The following SNIP1 variants were observed in gnomAD, a reference collection of about 807,000 sequenced individuals.
SNIP1 encodes the protein Smad nuclear interacting protein 1.
In SNIP1, 23 loss-of-function variants were observed where a neutral mutation model predicts 37.4. The ratio of observed to expected loss-of-function variants is 0.61; its 90% CI spans 0.44 to 0.87. The LOEUF is 0.87. SNIP1 is among the 40% of genes least tolerant of loss of function. SNIP1 has a pLI of 0.00. For synonymous variants in SNIP1, 174 were observed against 200.0 expected, an observed-to-expected ratio of 0.87 and a Z score of 1.10; for missense variants, 459 against 540.4, an observed-to-expected ratio of 0.85 and a Z score of 1.49.
At chr1:37,539,633 C>A (rs1643145644) in intron 3 of SNIP1, among the ~76,000 whole-genome samples, 1 of 152,174 alleles carries the variant, frequency 6.6e-6, no homozygotes, top group Non-Finnish European at 1.5e-5. Context: ...TCACTTGAAC[C>A]CGGGATGCAG....
intron 3 of SNIP1, 30 bp from the exon 4 acceptor site, chr1:37,538,042 C>G (rs752488912): frequency 6.4e-7 from 1 of 1,556,304 alleles, no homozygotes; most frequent in East Asian, 2.2e-5. Context: ...AACCTGTGAG[C>G]AAACTTCTGC....
intron 3 of SNIP1, among the ~76,000 whole-genome samples, chr1:37,539,018 C>T (rs1465887939): frequency 6.6e-6 from 1 of 152,094 alleles, no homozygotes; most frequent in African/African-American, 2.4e-5. Context: ...ATCTAGGTTG[C>T]GCGCTCCTTA....
Position 37,545,755 on chromosome 1 carries a change from C to T in SNIP1, c.328-5000G>A, listed in dbSNP as rs1011806227. Among the ~76,000 whole-genome samples, 9 of 151,996 alleles carry T rather than the reference C, an allele frequency of 5.9e-5. No homozygotes were observed. The South Asian group carries it at 8.3e-4, about 14-fold the overall frequency. On this transcript the variant is annotated intron_variant, in intron 2 of 3. Transcript: ENST00000296215. ...GGTGGATCACTTGCGTCCAGGAGTT[C>T]GAGACCAGCCTGGGTAACATAGTGA...
intron 2 of SNIP1, chr1:37,548,956 G>A (rs182397801): frequency 1.2e-4 from 18 of 152,174 alleles, no homozygotes; most frequent in African/African-American, 3.9e-4. Context: ...GCCGGGTCTC[G>A]GGTATGTCTT....
At chr1:37,544,772 G>A (rs1302120520) in intron 2 of SNIP1, 8 of 717,498 alleles carry the variant, frequency 1.1e-5, no homozygotes, top group Non-Finnish European at 2.1e-5. Flanking sequence ...CATGACGACT[G>A]CGCGTCCCCC....
At chr1:37,548,402 G>A (rs1352276593) in intron 2 of SNIP1, among the ~76,000 whole-genome samples, 7 of 151,048 alleles carry the variant, frequency 4.6e-5, no homozygotes, top group Admixed American at 3.3e-4. Flanking sequence ...TGTAATCCCC[G>A]CCTCCCAGGT....
chr1:37,552,610 A>G, intron 2 of SNIP1, 35 bp downstream of exon 2: 1 of 1,538,174 alleles, frequency 6.5e-7, no homozygotes, highest in South Asian at 1.1e-5. Context: ...AAAGGCTCTC[A>G]ATTTGGACCC....
Position 37,535,564 on chromosome 1 carries a change from T to C in SNIP1, c.*2184A>G, listed in dbSNP as rs1267722416. ...ATCACAGTGCCCACCAGGATGAAGTTTGTAGCAAAACTCAAGGCTACCACA... is the reference window on the plus strand; with the variant it reads ...ATCACAGTGCCCACCAGGATGAAGTCTGTAGCAAAACTCAAGGCTACCACA... On this transcript the variant is annotated 3_prime_UTR_variant, in exon 4 of 4. Transcript: ENST00000296215. 1 of 152,100 alleles carries C rather than the reference T, an allele frequency of 6.6e-6. No homozygotes were observed. The highest frequency in any genetic ancestry group is 1.9e-4 in the East Asian group (1 of 5,188). The allele number at this position is 152,100 out of a possible 1,614,324, so 9.4% of individuals were successfully genotyped here. A position where few individuals can be genotyped will look rare whatever the true frequency, so the allele number is the denominator to read the frequency against.
intron 2 of SNIP1, among the ~76,000 whole-genome samples, chr1:37,545,455 A>AC (rs1209373910): frequency 6.2e-5 from 8 of 128,348 alleles, no homozygotes; most frequent in African/African-American, 2.1e-4. Context: ...GAAATTTGGT[A>AC]CCCCCCGCCC....
intron 3 of SNIP1, among the ~76,000 whole-genome samples, chr1:37,539,879 G>A (rs115731493): frequency 2.6e-4 from 40 of 152,316 alleles, no homozygotes; most frequent in African/African-American, 9.4e-4. Flanking sequence ...TTTGAGCCCA[G>A]GAGGTTGCCG....
chr1:37,534,628 G>A lies in SNIP1; in HGVS notation c.*3120C>T, dbSNP rs1309196654. ...GACATCATTTTGTTCCTCAGATCCT[G>A]ACATACACAATGAAAGTATTTGAAA... On this transcript the variant is annotated 3_prime_UTR_variant, in exon 4 of 4. Transcript: ENST00000296215. The A allele has an allele frequency of 6.6e-6, 1 of 152,126 alleles. No individual in the cohort carries two copies. The highest frequency in any genetic ancestry group is 1.5e-5 in the Non-Finnish European group (1 of 68,030). 9.4% of individuals were successfully genotyped at this position (152,126 alleles called of 1,614,324 possible).
Position 37,540,737 on chromosome 1 carries a change from G to A in SNIP1, c.346C>T (p.Arg116Trp), listed in dbSNP as rs139950676. 1.4e-4 allele frequency: 222 copies of A among 1,602,146 alleles called. 1 individual carries two copies. The highest frequency in any genetic ancestry group is 8.1e-4 in the East Asian group (36 of 44,626). The change falls in exon 3 of 4, where the codon CGG becomes TGG. Residue 116 changes from arginine to tryptophan, a missense_variant. By Grantham distance (101) the Arg-to-Trp change is moderately radical. Coordinates refer to ENST00000296215, the MANE Select transcript of SNIP1 (RefSeq NM_024700.4). This position sits in a 1 kb window ranked among gnomAD's most constrained non-coding sequence, Gnocchi z 5.6. ...TGCTGCCGATCCTCCCGTCCTCTCC[G>A]GGGATGATCCTCACGCTCCTAAAAT... ...KVKQEREDHP[R>W]RGREDRQHRE...
chr1:37,554,059 G>A lies in SNIP1; in HGVS notation c.171C>T (p.Thr57=), dbSNP rs1202264778. The A allele has an allele frequency of 6.3e-7, 1 of 1,594,482 alleles. No homozygotes were observed. Among genetic ancestry groups the A allele is most frequent in the South Asian group, 1.1e-5 (1 of 88,762 alleles). The change falls in exon 1 of 4, where the codon ACC becomes ACT. Residue 57 remains threonine (T), a synonymous_variant. Transcript: ENST00000296215. Reference sequence around the variant, plus strand: ...GGTGGCCCGAGCGGGCCGGCTCGCTGGTCGGCGGAGACGGGCTACCACCGG... The same window carrying A: ...GGTGGCCCGAGCGGGCCGGCTCGCTAGTCGGCGGAGACGGGCTACCACCGG... ...DHSGGSPSPP[T]SEPARSGHRG... is the part of the protein sequence containing the mutation.
At chr1:37,539,674 C>T (rs1223213871) in intron 3 of SNIP1, among the ~76,000 whole-genome samples, 1 of 152,234 alleles carries the variant, frequency 6.6e-6, no homozygotes, top group Non-Finnish European at 1.5e-5. Context: ...CGCGCCACTG[C>T]ACTCCAGCCT....
chr1:37,538,933 G>A (rs1248263802), intron 3 of SNIP1, among the ~76,000 whole-genome samples: 2 of 152,106 alleles, frequency 1.3e-5, no homozygotes, highest in East Asian at 1.9e-4. Flanking sequence ...CCTGAGCTCC[G>A]CCTCCTGTCA....
At chr1:37,549,941 T>G (rs1014231556) in intron 2 of SNIP1, among the ~76,000 whole-genome samples, 15 of 152,010 alleles carry the variant, frequency 9.9e-5, no homozygotes, top group Non-Finnish European at 7.4e-5. Flanking sequence ...CCCACACAAA[T>G]ATGCCCAACT....
chr1:37,544,867 C>G, intron 2 of SNIP1: 4 of 931,014 alleles, frequency 4.3e-6, no homozygotes, highest in Non-Finnish European at 7.0e-6. Flanking sequence ...CCATGTCTTA[C>G]TACTTTGACC....
chr1:37,539,508 G>A (rs1004516340), intron 3 of SNIP1, among the ~76,000 whole-genome samples: 3 of 152,122 alleles, frequency 2.0e-5, no homozygotes, highest in Admixed American at 6.5e-5. Flanking sequence ...TCAGGAGTTC[G>A]AGACCAGCCT....
rs1281786275 is a variant in SNIP1, at chr1:37,554,198, C to T, written c.32G>A (p.Gly11Glu). 4.3e-6 allele frequency: 7 copies of T among 1,609,336 alleles called. No individual in the cohort carries two copies. Among genetic ancestry groups the T allele is most frequent in the Non-Finnish European group, 5.9e-6 (7 of 1,177,400 alleles). The change falls in exon 1 of 4, where the codon GGG becomes GAG. Residue 11 changes from glycine (G) to glutamate (E), a missense_variant. Physicochemically the swap from Gly to Glu is moderately conservative, Grantham distance 98 (BLOSUM62 -2). Transcript: ENST00000296215. The part of the protein sequence containing the change: MKAVKSERER[G>E]SRRRHRDGDV... ...CCCGTCCCGGTGTCTTCGCCGGCTC[C>T]CTCGCTCCCGTTCGCTCTTCACCGC...
Sources: allele counts gnomAD v4.1 joint callset (sites outside exome capture counted in the v4.1 genomes callset), GRCh38; gene constraint gnomAD v4.1.1; non-coding constraint Gnocchi (gnomAD v3.1); transcripts MANE v1.5; gene names NCBI Gene and HGNC (gene_info 2026-07-23, HGNC 2026-07-21).